UNC93A: variants seen among roughly 807,000 people sequenced by gnomAD.
The protein encoded by UNC93A is unc-93 homolog A.
UNC93A carries 43 observed loss-of-function variants against 47.5 expected under a neutral mutation model. The ratio of observed to expected loss-of-function variants is 0.91; its 90% CI spans 0.71 to 1.17. The LOEUF is 1.17. Among genes scored for constraint, UNC93A ranks in the 50% most tolerant of loss-of-function variants. The probability of loss-of-function intolerance (pLI) is 0.00; values close to 1 mark genes in which losing one functional copy is unlikely to be tolerated. For synonymous variants in UNC93A, 280 were observed against 258.0 expected (o/e 1.09, Z -0.82); for missense variants, 605 against 577.6 (o/e 1.05, Z -0.49).
chr6:167,291,325 G>T lies in UNC93A; in HGVS notation c.-165G>T, dbSNP rs1349518355. The T allele has an allele frequency of 1.9e-6, 1 of 536,434 alleles. No homozygotes were observed. The highest frequency in any genetic ancestry group is 3.1e-5 in the East Asian group (1 of 31,922). 33.2% of individuals were successfully genotyped at this position (536,434 alleles called of 1,614,324 possible). On this transcript the variant is annotated 5_prime_UTR_variant, in exon 1 of 8. Coordinates refer to ENST00000230256, the MANE Select transcript of UNC93A (RefSeq NM_018974.4). The stretch of plus-strand genomic sequence containing the variant: ...GTGATAACCAAGTTCATTAACGAGT[G>T]ACAGTCTTAATGACTAACACACCTC...
chr6:167,300,517 T>C (rs956105057), intron 4 of UNC93A, among the ~76,000 whole-genome samples: 11 of 152,068 alleles, frequency 7.2e-5, no homozygotes, highest in African/African-American at 2.7e-4. Context: ...TTGATGCCCA[T>C]CAGGCGAGCA....
chr6:167,315,306 A>C lies in UNC93A; in HGVS notation c.1228A>C (p.Lys410Gln), dbSNP rs747445533. 52 of 1,613,732 alleles carry C rather than the reference A, an allele frequency of 3.2e-5. No individual in the cohort carries two copies. The highest frequency in any genetic ancestry group is 4.3e-5 in the Non-Finnish European group (51 of 1,179,862). Residue 410 changes from lysine (K) to glutamine (Q), a missense_variant, in exon 8 of 8, where the codon AAG (lysine) becomes CAG (glutamine). Coordinates refer to ENST00000230256, the MANE Select transcript of UNC93A (RefSeq NM_018974.4). The stretch of plus-strand genomic sequence containing the variant: ...CAGCATGTTTTTGTGCGTGCACGTC[A>C]AGCTCTACATTCTGCTGGGGGTCCT... The part of the protein sequence containing the change: ...GYSMFLCVHV[K>Q]LYILLGVLSL...
At chr6:167,286,236 A>G (rs1783730499) in intron 1 of UNC93A, among the ~76,000 whole-genome samples, 1 of 152,184 alleles carries the variant, frequency 6.6e-6, no homozygotes, top group African/African-American at 2.4e-5. Context: ...CTGTCTGTCT[A>G]TAGCTTTCCA....
At position 167,298,223 on chromosome 6, in the gene UNC93A, C is replaced by G. The variant is rs147336735; in HGVS notation, c.625+153C>G. 2.6e-5 allele frequency: 33 copies of G among 1,247,518 alleles called. No homozygotes were observed. The African/African-American group carries it at 4.9e-4, about 18-fold the overall frequency. 77.3% of individuals were successfully genotyped at this position (1,247,518 alleles called of 1,614,324 possible). Reference sequence around the variant, plus strand: ...TGTATTGGTCTGGATTATATGCAGGCGGTGTTCTTATGAATCAAATGCAGT... The same window carrying G: ...TGTATTGGTCTGGATTATATGCAGGGGGTGTTCTTATGAATCAAATGCAGT... On this transcript the variant is annotated intron_variant, in intron 4 of 7. Transcript: ENST00000230256.
In UNC93A at chr6:167,315,237, T is replaced by A; in HGVS notation, c.1159T>A (p.Tyr387Asn). 1 of 1,609,260 alleles carries A rather than the reference T, an allele frequency of 6.2e-7. No homozygotes were observed. Among genetic ancestry groups the A allele is most frequent in the Non-Finnish European group, 8.5e-7 (1 of 1,177,548 alleles). ...EKSKEAAFAN[Y>N]RLWEALGFVI... ...GAGCAAGGAAGCTGCCTTCGCCAAT[T>A]ACCGCCTGTGGGAGGCCCTGGGCTT... The change falls in exon 8 of 8, where the codon TAC (tyrosine) becomes AAC (asparagine). Residue 387 changes from tyrosine (Y) to asparagine (N), a missense_variant. Physicochemically the swap from Tyr to Asn is moderately radical, Grantham distance 143. Transcript: ENST00000230256.
intron 1 of UNC93A, among the ~76,000 whole-genome samples, chr6:167,279,683 T>G (rs1156549809): frequency 6.6e-6 from 1 of 152,186 alleles, no homozygotes; most frequent in Non-Finnish European, 1.5e-5. Context: ...ATAGATGAAG[T>G]GTGTAATACT....
At chr6:167,296,387 C>T (rs1778089707) in intron 3 of UNC93A, 126 bp downstream of exon 3, 3 of 1,001,972 alleles carry the variant, frequency 3.0e-6, no homozygotes, top group African/African-American at 1.6e-5. Context: ...GAGTCAGGCC[C>T]CACAGGTGAG....
At chr6:167,295,501 A>ATCCTCGCCTGCCTCGTGC (rs1562350123) in intron 2 of UNC93A, among the ~76,000 whole-genome samples, 4 of 44,272 alleles carry the variant, frequency 9.0e-5, no homozygotes, top group African/African-American at 1.8e-4. Context: ...CTCCCTCGTG[A>ATCCTCGCCTGCCTCGTGC]TCCTCGCCTG....
At chr6:167,287,120 T>C (rs1031598770), upstream of UNC93A, among the ~76,000 whole-genome samples, 6 of 151,596 alleles carry the variant, frequency 4.0e-5, no homozygotes, top group Admixed American at 1.3e-4. Flanking sequence ...CACAGCCGTA[T>C]TTGGCTCTCA....
rs752323292 is a variant in UNC93A, at chr6:167,315,412, T to G, written c.1334T>G (p.Val445Gly). The change falls in exon 8 of 8, where the codon GTC becomes GGC. Residue 445 changes from valine (V) to glycine (G), a missense_variant. Val to Gly is a moderately radical substitution (Grantham distance 109). Coordinates refer to ENST00000230256, the MANE Select transcript of UNC93A (RefSeq NM_018974.4). ...ATCAGACCCCACGCTCCAGGACAGG[T>G]CAACCAGGCAGAGGATGAAGAAATA... The part of the protein sequence containing the change: ...NPIRPHAPGQ[V>G]NQAEDEEIQT... 2 of 1,509,838 alleles carry G rather than the reference T, an allele frequency of 1.3e-6. No homozygotes were observed. Among genetic ancestry groups the G allele is most frequent in the Admixed American group, 1.7e-5 (1 of 58,714 alleles). The allele number at this position is 1,509,838 out of a possible 1,614,324, so 93.5% of individuals were successfully genotyped here.
chr6:167,272,147 C>G (rs2092090), intron 1 of UNC93A, among the ~76,000 whole-genome samples: 55,606 of 152,064 alleles, frequency 0.37, 10,409 homozygotes, highest in South Asian at 0.42. Context: ...TCAAAATGAT[C>G]CTTATGCCAA....
intron 1 of UNC93A, among the ~76,000 whole-genome samples, chr6:167,293,821 C>A (rs985709988): frequency 1.3e-5 from 2 of 152,300 alleles, no homozygotes; most frequent in East Asian, 3.9e-4. Context: ...CTGCAGGCCT[C>A]CAAGTTCTCA....
At chr6:167,287,707 G>A (rs1197751647), upstream of UNC93A, among the ~76,000 whole-genome samples, 1 of 149,828 alleles carries the variant, frequency 6.7e-6, no homozygotes, top group Admixed American at 6.7e-5. Context: ...GTGCATGTGT[G>A]TGCATATGTG....
chr6:167,304,083 C>A lies in UNC93A; in HGVS notation c.790C>A (p.Pro264Thr), dbSNP rs776762230. Reference sequence around the variant, plus strand: ...ACGTCTGTGCCTCTTAATTCTGCTGCCGCTGTACAGTGGATTGCAGCAAGG... The same window carrying A: ...ACGTCTGTGCCTCTTAATTCTGCTGACGCTGTACAGTGGATTGCAGCAAGG... Reference protein sequence around the residue: ...DKRLCLLILLPLYSGLQQGFL... With the variant: ...DKRLCLLILLTLYSGLQQGFL... The change falls in exon 5 of 8, where the codon CCG becomes ACG. Residue 264 changes from proline to threonine, a missense_variant. By Grantham distance (38) the Pro-to-Thr change is conservative (BLOSUM62 -1). Coordinates refer to ENST00000230256, the MANE Select transcript of UNC93A (RefSeq NM_018974.4). 2.5e-6 allele frequency: 4 copies of A among 1,614,162 alleles called. No individual in the cohort carries two copies. The Admixed American group carries it at 6.7e-5, about 27-fold the overall frequency.
rs151126607 is a variant in UNC93A at position 167,272,518 on chromosome 6, G to A, written c.-52+1060G>A. ...TGTGACACAACCCTCAGGAGGTCCT[G>A]AGAACATGTGCCCAAGGTGGTGGGG... On this transcript the variant is annotated intron_variant, in intron 1 of 3. Coordinates refer to the UNC93A transcript ENST00000503433. Among the ~76,000 whole-genome samples the A allele has an allele frequency of 3.9e-3, 591 of 152,336 alleles. 5 individuals are homozygous for A. The highest frequency in any genetic ancestry group is 0.014 in the Middle Eastern group (4 of 294).
upstream of UNC93A, among the ~76,000 whole-genome samples, chr6:167,289,789 CT>C (rs1379564401): frequency 6.6e-6 from 1 of 151,510 alleles, no homozygotes; most frequent in African/African-American, 2.4e-5. Context: ...GAGGCCAGAA[CT>C]GAAGTAAACT....
rs1384703186 is a variant in UNC93A, at chr6:167,295,434, GGCCTCCCTCGTGCTCCTC to G, written c.270-567_270-550del. On this transcript the variant is annotated intron_variant, in intron 2 of 7. Coordinates refer to ENST00000230256, the MANE Select transcript of UNC93A (RefSeq NM_018974.4). The stretch of plus-strand genomic sequence containing the variant: ...GCTCCTCGCCTCCCTCGTGATCCTC[GGCCTCCCTCGTGCTCCTC>G]GCCTCCCTCGTGCTCCTCGCCTCCC... 1.8e-3 allele frequency among the ~76,000 whole-genome samples: 160 copies of G among 90,300 alleles called. 7 individuals are homozygous for G. The highest frequency in any genetic ancestry group is 7.7e-3 in the African/African-American group (124 of 16,188). 59.2% of individuals were successfully genotyped at this position (90,300 alleles called of 152,430 possible).
chr6:167,270,776 G>A (rs569610650), upstream of UNC93A, among the ~76,000 whole-genome samples: 4 of 152,272 alleles, frequency 2.6e-5, no homozygotes, highest in South Asian at 8.3e-4. Flanking sequence ...ACAAACGAGG[G>A]TTTCCCCGAA....
At chr6:167,286,905 G>A (rs1475737626), upstream of UNC93A, among the ~76,000 whole-genome samples, 3 of 150,566 alleles carry the variant, frequency 2.0e-5, no homozygotes. Context: ...TTGAACCCGG[G>A]AGGCGGATGT....
Sources: gnomAD v4.1 joint callset for allele counts (sites outside exome capture counted in the v4.1 genomes callset) on GRCh38, gnomAD v4.1.1 for gene constraint, MANE v1.5 for transcripts, NCBI Gene and HGNC (gene_info 2026-07-23, HGNC 2026-07-21) for gene names.